Variants in ARSB observed in about 807,000 individuals in gnomAD.
ARSB encodes the protein N-acetylgalactosamine-4-sulfatase.
A neutral mutation model predicts 50.9 loss-of-function variants in ARSB; 41 were observed. The ratio of observed to expected loss-of-function variants is 0.81; its 90% CI spans 0.63 to 1.04. The LOEUF (loss-of-function observed/expected upper bound fraction) is 1.04, where lower values mean the gene tolerates loss of function less well. Among genes scored for constraint, ARSB ranks in the 50% least tolerant of loss-of-function variants. The pLI is 0.00. For missense variants in ARSB, 672 were observed against 693.3 expected, an observed-to-expected ratio of 0.97 and a Z score of 0.35; for synonymous variants, 269 against 284.8, an observed-to-expected ratio of 0.94 and a Z score of 0.56.
intron 5 of ARSB, among the ~76,000 whole-genome samples, chr5:78,871,457 C>G (rs1271506171): frequency 6.6e-6 from 1 of 150,886 alleles, no homozygotes; most frequent in Admixed American, 6.6e-5. Context: ...GGTACTGGTA[C>G]CAAAACAGAG....
At chr5:78,804,714 A>G (rs575003382) in intron 6 of ARSB, among the ~76,000 whole-genome samples, 2 of 152,342 alleles carry the variant, frequency 1.3e-5, no homozygotes, top group East Asian at 3.9e-4. Flanking sequence ...ATAGCCTGGT[A>G]GGGACTGGCC....
At chr5:78,894,754 C>T (rs1748486147) in intron 4 of ARSB, among the ~76,000 whole-genome samples, 1 of 152,216 alleles carries the variant, frequency 6.6e-6, no homozygotes, top group South Asian at 2.1e-4. Context: ...TTCGGATCTG[C>T]AGATAACACT....
rs1752888847 is a variant in ARSB, at chr5:78,981,180, G to C, written c.312+3757C>G. Among the ~76,000 whole-genome samples, 2 of 5,150 alleles carry C rather than the reference G, an allele frequency of 3.9e-4. 1 individual carries two copies. The highest frequency in any genetic ancestry group is 6.3e-3 in the South Asian group (2 of 316). The allele number at this position is 5,150 out of a possible 152,430, so 3.4% of individuals were successfully genotyped here. A position where few individuals can be genotyped will look rare whatever the true frequency, so the allele number is the denominator to read the frequency against. On this transcript the variant is annotated intron_variant, in intron 1 of 7. Transcript: ENST00000264914. ...TTAGCCGGGATGGTCTCGATCTCCT[G>C]ACCTCGTGATCCGCCCGCCTCGGCC...
intron 4 of ARSB, among the ~76,000 whole-genome samples, chr5:78,900,487 G>A (rs779920202): frequency 7.9e-5 from 12 of 152,090 alleles, no homozygotes; most frequent in Non-Finnish European, 1.3e-4. Flanking sequence ...CCACATGCTT[G>A]GTGCTGAAAG....
At chr5:78,787,367 G>T (rs980490662) in intron 6 of ARSB, among the ~76,000 whole-genome samples, 1 of 150,494 alleles carries the variant, frequency 6.6e-6, no homozygotes, top group African/African-American at 2.4e-5. Flanking sequence ...TGCTTTGGCC[G>T]CACTGGGTGT....
chr5:78,860,550 C>A (rs996147083), intron 5 of ARSB, among the ~76,000 whole-genome samples: 3 of 152,126 alleles, frequency 2.0e-5, no homozygotes, highest in African/African-American at 7.2e-5. Flanking sequence ...TAAAGATGTT[C>A]TTTGAAACCA....
At chr5:78,845,511 C>T (rs1032835492) in intron 5 of ARSB, among the ~76,000 whole-genome samples, 4 of 152,090 alleles carry the variant, frequency 2.6e-5, no homozygotes, top group African/African-American at 4.8e-5. Context: ...GATAAGAGTA[C>T]CCCTTTCTCT....
chr5:78,787,581 A>C (rs1749128004), intron 6 of ARSB, among the ~76,000 whole-genome samples: 1 of 152,244 alleles, frequency 6.6e-6, no homozygotes, highest in South Asian at 2.1e-4. Context: ...AGTGATGAGC[A>C]AAGAGACATC....
intron 6 of ARSB, among the ~76,000 whole-genome samples, chr5:78,827,939 C>G (rs1333490216): frequency 6.6e-6 from 1 of 151,932 alleles, no homozygotes; most frequent in Non-Finnish European, 1.5e-5. Flanking sequence ...ATATAACCAC[C>G]TGTGGAATTA....
intron 6 of ARSB, among the ~76,000 whole-genome samples, chr5:78,805,770 G>A (rs910297742): frequency 4.6e-5 from 7 of 152,204 alleles, no homozygotes; most frequent in East Asian, 1.9e-4. Flanking sequence ...CTGAGCAGCC[G>A]GGTGGCTCTG....
chr5:78,922,428 T>C (rs1049894488), intron 4 of ARSB, among the ~76,000 whole-genome samples: 4 of 151,630 alleles, frequency 2.6e-5, no homozygotes, highest in Admixed American at 6.6e-5. Flanking sequence ...CTGGAGGACA[T>C]GTCTAGATAT....
chr5:78,847,352 C>CCTAGACCTAGGTTCAAGTGATT (rs1295942424), intron 5 of ARSB, among the ~76,000 whole-genome samples: 4 of 152,232 alleles, frequency 2.6e-5, no homozygotes, highest in East Asian at 3.9e-4. Context: ...GTCTTGAACT[C>CCTAGACCTAGGTTCAAGTGATT]CTAGGTTCAA....
intron 1 of ARSB, among the ~76,000 whole-genome samples, chr5:78,982,649 G>A (rs1031246867): frequency 4.6e-5 from 7 of 152,224 alleles, no homozygotes; most frequent in African/African-American, 1.2e-4. Flanking sequence ...AGAGATGATA[G>A]AGTTGTTGTG....
intron 2 of ARSB, among the ~76,000 whole-genome samples, chr5:78,966,202 G>A (rs1052769846): frequency 1.3e-5 from 2 of 152,170 alleles, no homozygotes; most frequent in African/African-American, 4.8e-5. Flanking sequence ...AGATAATACA[G>A]ATAGGAGAAT....
chr5:78,877,642 G>A (rs1747549812), intron 5 of ARSB, among the ~76,000 whole-genome samples: 1 of 152,164 alleles, frequency 6.6e-6, no homozygotes. Context: ...ACCCGCCTTG[G>A]CCTCCCAAAG....
chr5:78,838,732 T>C (rs891286827), intron 6 of ARSB, among the ~76,000 whole-genome samples: 10 of 152,216 alleles, frequency 6.6e-5, no homozygotes, highest in African/African-American at 2.4e-4. Context: ...TCGCATGGTA[T>C]TTATACAGGC....
intron 5 of ARSB, among the ~76,000 whole-genome samples, chr5:78,853,077 C>T (rs1215337929): frequency 6.6e-6 from 1 of 152,250 alleles, no homozygotes; most frequent in Non-Finnish European, 1.5e-5. Flanking sequence ...ATTCTCCGTC[C>T]AGCTTTGTTC....
chr5:78,793,693 A>G (rs1490202848), intron 6 of ARSB, among the ~76,000 whole-genome samples: 1 of 152,152 alleles, frequency 6.6e-6, no homozygotes, highest in Non-Finnish European at 1.5e-5. Flanking sequence ...GTTGCTGGGC[A>G]CACAGCCAGG....
chr5:78,962,174 AGTT>A, intron 3 of ARSB, among the ~76,000 whole-genome samples: 1 of 152,306 alleles, frequency 6.6e-6, no homozygotes, highest in Middle Eastern at 3.4e-3. Context: ...TCTCTAAGCC[AGTT>A]TGCTTATGTG....
Sources: allele counts gnomAD v4.1 joint callset (sites outside exome capture counted in the v4.1 genomes callset), GRCh38; gene constraint gnomAD v4.1.1; transcripts MANE v1.5; gene names NCBI Gene and HGNC (gene_info 2026-07-23, HGNC 2026-07-21).